Variants in UTRN observed in about 807,000 individuals in gnomAD.
UTRN encodes utrophin.
In UTRN, 283 loss-of-function variants were observed where a neutral mutation model predicts 463.9. The observed-to-expected ratio is 0.61, with a 90% CI of 0.55 to 0.67. UTRN has a LOEUF of 0.67. UTRN is among the 30% of genes least tolerant of loss of function. The pLI, the probability that UTRN is intolerant of heterozygous loss-of-function variation, is 0.00. For missense variants in UTRN, 3,922 were observed against 4,084.3 expected, an observed-to-expected ratio of 0.96 and a Z score of 1.08; for synonymous variants, 1,442 against 1,431.5, an observed-to-expected ratio of 1.01 and a Z score of -0.17.
At chr6:144,756,965 G>A (rs534708027) in intron 57 of UTRN, among the ~76,000 whole-genome samples, 2 of 152,060 alleles carry the variant, frequency 1.3e-5, no homozygotes, top group East Asian at 3.9e-4. Flanking sequence ...GAAAATGCTT[G>A]GCAAAGTTTA....
chr6:144,365,814 T>C (rs1051724794), intron 2 of UTRN, among the ~76,000 whole-genome samples: 11 of 152,206 alleles, frequency 7.2e-5, no homozygotes, highest in African/African-American at 2.7e-4. Flanking sequence ...CTCGGCTCAC[T>C]GCAACCTCCG....
In UTRN at chr6:144,325,927, G is replaced by T. The variant is rs1281433078; in HGVS notation, c.79+34020G>T. ...AAGAGATCTTGGAAATTAAAAGTGTGATATCAGAAATAAGATCTCAAGTAG... is the reference window on the plus strand; with the variant it reads ...AAGAGATCTTGGAAATTAAAAGTGTTATATCAGAAATAAGATCTCAAGTAG... On this transcript the variant is annotated intron_variant, in intron 2 of 74. Transcript: ENST00000367545. Among the ~76,000 whole-genome samples, 3 of 152,164 alleles carry T rather than the reference G, an allele frequency of 2.0e-5. No homozygotes were observed. In the South Asian group the frequency reaches 6.2e-4, roughly 32 times the overall value.
Position 144,515,704 on chromosome 6 carries a change from TTGAG to T in UTRN, c.5245-523_5245-520del, listed in dbSNP as rs549849838. Among the ~76,000 whole-genome samples the T allele has an allele frequency of 1.2e-4, 19 of 152,364 alleles. No individual in the cohort carries two copies. The South Asian group carries it at 3.9e-3, about 32-fold the overall frequency. On this transcript the variant is annotated intron_variant, in intron 37 of 74. Coordinates refer to ENST00000367545, the MANE Select transcript of UTRN (RefSeq NM_007124.3). ...ATTTAGTTTTATTAAAATTGTTTTA[TTGAG>T]TTTTATTTAAACAAATATAAAATTT... is the stretch of plus-strand genomic sequence containing the variant.
chr6:144,553,427 T>A (rs117558772), intron 48 of UTRN, among the ~76,000 whole-genome samples: 3 of 152,200 alleles, frequency 2.0e-5, no homozygotes, highest in South Asian at 2.1e-4. Context: ...GAATGTTATC[T>A]TGTAGTTACG....
chr6:144,729,536 A>G (rs948266794), intron 53 of UTRN, among the ~76,000 whole-genome samples: 5 of 152,212 alleles, frequency 3.3e-5, no homozygotes, highest in Non-Finnish European at 7.3e-5. Context: ...GTAGGTGGTT[A>G]TGTGTTTAAT....
At chr6:144,757,027 G>A (rs1476708995) in intron 57 of UTRN, among the ~76,000 whole-genome samples, 1 of 151,982 alleles carries the variant, frequency 6.6e-6, no homozygotes, top group Non-Finnish European at 1.5e-5. Context: ...GAGAAAAAAA[G>A]TATTGGTGAC....
intron 64 of UTRN, among the ~76,000 whole-genome samples, chr6:144,798,271 C>T (rs1777405610): frequency 6.6e-6 from 1 of 152,126 alleles, no homozygotes; most frequent in Non-Finnish European, 1.5e-5. Flanking sequence ...AGAAATGATT[C>T]ATCCATGAAA....
At chr6:144,508,663 T>C (rs577063507) in intron 34 of UTRN, among the ~76,000 whole-genome samples, 1 of 152,356 alleles carries the variant, frequency 6.6e-6, no homozygotes. Flanking sequence ...AGACTGGAGC[T>C]GTTCCTGTTT....
intron 3 of UTRN, among the ~76,000 whole-genome samples, chr6:144,420,722 T>C (rs1584714623): frequency 6.6e-6 from 1 of 152,174 alleles, no homozygotes; most frequent in Non-Finnish European, 1.5e-5. Context: ...AAATACAGAC[T>C]GAACACCTCA....
chr6:144,703,709 C>A (rs1206577188), intron 53 of UTRN, among the ~76,000 whole-genome samples: 1 of 152,048 alleles, frequency 6.6e-6, no homozygotes, highest in African/African-American at 2.4e-5. Context: ...CATCTCGAGA[C>A]CATCTTGTTG....
At chr6:144,334,725 A>G in intron 2 of UTRN, among the ~76,000 whole-genome samples, 1 of 152,236 alleles carries the variant, frequency 6.6e-6, no homozygotes, top group Admixed American at 6.5e-5. Flanking sequence ...ATGTTGGTTC[A>G]GGCAATGCTC....
intron 51 of UTRN, among the ~76,000 whole-genome samples, chr6:144,655,163 GTT>G (rs969453677): frequency 6.6e-6 from 1 of 152,228 alleles, no homozygotes; most frequent in African/African-American, 2.4e-5. Context: ...TAAAAGGAGA[GTT>G]TTCCCTTTCA....
rs772623564 is a variant in UTRN at position 144,471,106 on chromosome 6, GAGGGA to G, written c.3067-2613_3067-2609del. Among the ~76,000 whole-genome samples, 94 of 145,026 alleles carry G rather than the reference GAGGGA, an allele frequency of 6.5e-4. 5 individuals are homozygous for G. The highest frequency in any genetic ancestry group is 2.0e-3 in the African/African-American group (75 of 38,356). The stretch of plus-strand genomic sequence containing the variant: ...AGGGGGAGGGGGAGAGGGAGAGGGA[GAGGGA>G]TCTGTTTCTTTTCTCTTTCTTTTTT... On this transcript the variant is annotated intron_variant, in intron 23 of 74. Coordinates refer to ENST00000367545, the MANE Select transcript of UTRN (RefSeq NM_007124.3).
intron 2 of UTRN, chr6:144,344,411 C>A: frequency 1.6e-6 from 2 of 1,228,068 alleles, no homozygotes; most frequent in Non-Finnish European, 2.1e-6. Flanking sequence ...AAGCTTAGGA[C>A]CAGGCTGGTG....
chr6:144,678,042 G>C (rs568232161), intron 51 of UTRN, among the ~76,000 whole-genome samples: 1 of 152,106 alleles, frequency 6.6e-6, no homozygotes, highest in African/African-American at 2.4e-5. Context: ...CTCCCATTCT[G>C]TAGGTTGCCT....
chr6:144,700,659 C>T (rs1003477488), intron 53 of UTRN, among the ~76,000 whole-genome samples: 5 of 151,950 alleles, frequency 3.3e-5, no homozygotes, highest in Non-Finnish European at 7.4e-5. Context: ...CCTCTGCTTC[C>T]TGGGTTCAAG....
chr6:144,813,624 A>G (rs1778822645), intron 65 of UTRN, among the ~76,000 whole-genome samples: 1 of 152,218 alleles, frequency 6.6e-6, no homozygotes, highest in African/African-American at 2.4e-5. Context: ...AAACTAGATG[A>G]CAAGAGAGAT....
At position 144,756,468 on chromosome 6, in the gene UTRN, A is replaced by C. The variant is rs191052230; in HGVS notation, c.8435-1461A>C. Among the ~76,000 whole-genome samples the C allele has an allele frequency of 4.5e-4, 69 of 152,310 alleles. No homozygotes were observed. The South Asian group carries it at 5.6e-3, about 12-fold the overall frequency. ...AGGTAGAAGTTATTCAAATCAAAACAATTATTAAAATGAGTGGGGAAGTGT... is the reference window on the plus strand; with the variant it reads ...AGGTAGAAGTTATTCAAATCAAAACCATTATTAAAATGAGTGGGGAAGTGT... On this transcript the variant is annotated intron_variant, in intron 57 of 74. Transcript: ENST00000367545.
intron 29 of UTRN, among the ~76,000 whole-genome samples, chr6:144,488,169 A>T (rs1792669087): frequency 6.6e-6 from 1 of 152,220 alleles, no homozygotes; most frequent in Non-Finnish European, 1.5e-5. Context: ...CATATTAAAT[A>T]ATAACTGTTG....
Sources: gnomAD v4.1 joint callset for allele counts (sites outside exome capture counted in the v4.1 genomes callset) on GRCh38, gnomAD v4.1.1 for gene constraint, MANE v1.5 for transcripts, NCBI Gene and HGNC (gene_info 2026-07-23, HGNC 2026-07-21) for gene names.